Variants in NAALADL2 observed in about 807,000 individuals in gnomAD.
NAALADL2 encodes N-acetylated alpha-linked acidic dipeptidase like 2, also known as inactive N-acetylated-alpha-linked acidic dipeptidase-like protein 2.
A neutral mutation model predicts 87.2 loss-of-function variants in NAALADL2; 76 were observed. The observed-to-expected ratio is 0.87, with a 90% CI of 0.72 to 1.05. The LOEUF is 1.05. Among genes scored for constraint, NAALADL2 ranks in the 50% least tolerant of loss-of-function variants. NAALADL2 has a pLI of 0.00. For missense variants in NAALADL2, 1,089 were observed against 945.8 expected, an observed-to-expected ratio of 1.15 and a Z score of -1.99; for synonymous variants, 354 against 331.0, an observed-to-expected ratio of 1.07 and a Z score of -0.75.
At chr3:175,031,927 C>G (rs1752843746) in intron 1 of NAALADL2, among the ~76,000 whole-genome samples, 1 of 151,956 alleles carries the variant, frequency 6.6e-6, no homozygotes, top group Admixed American at 6.6e-5. Flanking sequence ...TGAGAAGTGC[C>G]TATTCATATC....
chr3:174,548,641 T>C (rs1482978729), intron 1 of NAALADL2, among the ~76,000 whole-genome samples: 1 of 152,194 alleles, frequency 6.6e-6, no homozygotes, highest in Non-Finnish European at 1.5e-5. Flanking sequence ...TATCATCATC[T>C]GTGAACGGTG....
At chr3:175,785,531 GCC>G in intron 13 of NAALADL2, among the ~76,000 whole-genome samples, 1 of 132,138 alleles carries the variant, frequency 7.6e-6, no homozygotes, top group East Asian at 2.1e-4. Flanking sequence ...TGCAACCCCT[GCC>G]TTTTTTTGTT....
chr3:174,728,180 C>T (rs750217156), intron 2 of NAALADL2, among the ~76,000 whole-genome samples: 1 of 151,996 alleles, frequency 6.6e-6, no homozygotes, highest in East Asian at 1.9e-4. Flanking sequence ...CTATAAGCAT[C>T]CATGTTCATG....
intron 2 of NAALADL2, among the ~76,000 whole-genome samples, chr3:174,640,891 G>GA (rs938995113): frequency 3.3e-5 from 5 of 152,058 alleles, no homozygotes; most frequent in African/African-American, 9.7e-5. Flanking sequence ...ACTCTGCCAT[G>GA]AAAAAAAGTC....
intron 1 of NAALADL2, among the ~76,000 whole-genome samples, chr3:174,907,691 G>T (rs982648593): frequency 6.6e-6 from 1 of 152,042 alleles, no homozygotes; most frequent in Non-Finnish European, 1.5e-5. Flanking sequence ...TACTACCAAT[G>T]TTCAAAAGCA....
intron 1 of NAALADL2, among the ~76,000 whole-genome samples, chr3:175,030,884 C>A (rs1174232916): frequency 6.6e-6 from 1 of 151,850 alleles, no homozygotes; most frequent in Non-Finnish European, 1.5e-5. Flanking sequence ...TTGTATACAG[C>A]CATGCCTGGT....
intron 1 of NAALADL2, among the ~76,000 whole-genome samples, chr3:174,938,421 G>C (rs1425996580): frequency 1.3e-5 from 2 of 151,846 alleles, no homozygotes; most frequent in Non-Finnish European, 2.9e-5. Flanking sequence ...TATTCAATTT[G>C]TCATTGATAG....
At chr3:175,342,092 A>G (rs1164592504) in intron 5 of NAALADL2, among the ~76,000 whole-genome samples, 1 of 152,136 alleles carries the variant, frequency 6.6e-6, no homozygotes, top group Non-Finnish European at 1.5e-5. Flanking sequence ...AAGTTTTAAA[A>G]TTGCTAAGAA....
At chr3:174,940,792 T>A (rs115200569) in intron 1 of NAALADL2, among the ~76,000 whole-genome samples, 4,898 of 152,218 alleles carry the variant, frequency 0.032, 86 homozygotes, top group Non-Finnish European at 0.042. Flanking sequence ...GTTGACTAGT[T>A]TGTGTGAATA....
At chr3:175,715,020 T>C (rs1401298987) in intron 11 of NAALADL2, among the ~76,000 whole-genome samples, 1 of 152,184 alleles carries the variant, frequency 6.6e-6, no homozygotes, top group Non-Finnish European at 1.5e-5. Context: ...CTATTCTCAT[T>C]TAAAATAAGT....
chr3:175,277,574 C>T (rs900968431), intron 4 of NAALADL2, among the ~76,000 whole-genome samples: 19 of 152,078 alleles, frequency 1.2e-4, no homozygotes, highest in Non-Finnish European at 2.4e-4. Flanking sequence ...TAACCTTCAT[C>T]CAACAACCAA....
At chr3:175,090,322 A>G (rs1378107109) in intron 1 of NAALADL2, among the ~76,000 whole-genome samples, 1 of 152,006 alleles carries the variant, frequency 6.6e-6, no homozygotes, top group Non-Finnish European at 1.5e-5. Context: ...GCTTTGGTTC[A>G]TACTAATCAG....
intron 11 of NAALADL2, among the ~76,000 whole-genome samples, chr3:175,717,998 G>T (rs916954811): frequency 1.3e-4 from 19 of 151,104 alleles, no homozygotes; most frequent in African/African-American, 4.4e-4. Flanking sequence ...TTTTTTTGTT[G>T]TTGTTGTTAT....
chr3:174,445,286 C>A (rs983146299), intron 1 of NAALADL2, among the ~76,000 whole-genome samples: 14 of 151,930 alleles, frequency 9.2e-5, no homozygotes, highest in Non-Finnish European at 1.5e-4. Context: ...TTATCAGACA[C>A]GCAAAGGTAG....
chr3:174,811,720 T>C lies in NAALADL2; in HGVS notation c.-9+73974T>C, dbSNP rs1039325235. On this transcript the variant is annotated intron_variant, in intron 3 of 3. Coordinates refer to the NAALADL2 transcript ENST00000434257. ...ACTGTTAAGAAGGGATGATTGTATT[T>C]TGCAATGTGAGAAGGACATGAGATT... is the stretch of plus-strand genomic sequence containing the variant. Among the ~76,000 whole-genome samples the C allele has an allele frequency of 2.6e-5, 4 of 152,084 alleles. 1 individual carries two copies. The South Asian group carries it at 8.3e-4, about 32-fold the overall frequency.
intron 2 of NAALADL2, among the ~76,000 whole-genome samples, chr3:174,700,579 C>A (rs943611494): frequency 6.6e-6 from 1 of 151,596 alleles, no homozygotes; most frequent in African/African-American, 2.4e-5. Flanking sequence ...TTTAGAAAAA[C>A]AAAAAAAATG....
At chr3:175,045,058 CA>C (rs982257910) in intron 1 of NAALADL2, among the ~76,000 whole-genome samples, 5 of 151,946 alleles carry the variant, frequency 3.3e-5, no homozygotes, top group African/African-American at 1.2e-4. Context: ...ACCCTGAAGA[CA>C]CTGTTTTCTA....
intron 2 of NAALADL2, among the ~76,000 whole-genome samples, chr3:174,605,780 T>A (rs908766622): frequency 2.0e-5 from 3 of 151,776 alleles, no homozygotes; most frequent in Non-Finnish European, 4.4e-5. Flanking sequence ...CTCTGCAGAC[T>A]TAAATGTCCC....
chr3:174,991,514 C>T lies in NAALADL2; in HGVS notation c.44-105276C>T, dbSNP rs377244436. On this transcript the variant is annotated intron_variant, in intron 1 of 13. Transcript: ENST00000454872. ...GTTTTATTTAAATTTTATATAACAA[C>T]GTTAGCTACCATTCAAGTACAATCA... Among the ~76,000 whole-genome samples the T allele has an allele frequency of 2.4e-4, 36 of 152,082 alleles. No individual in the cohort carries two copies. The South Asian group carries it at 6.2e-3, about 26-fold the overall frequency.
Sources: gnomAD v4.1 joint callset for allele counts (sites outside exome capture counted in the v4.1 genomes callset) on GRCh38, gnomAD v4.1.1 for gene constraint, MANE v1.5 for transcripts, NCBI Gene and HGNC (gene_info 2026-07-23, HGNC 2026-07-21) for gene names.